The following GPC6 variants were observed in gnomAD, a reference collection of about 807,000 sequenced individuals.
The protein encoded by GPC6 is glypican-6.
Under a neutral mutation model 55.2 loss-of-function variants are expected in GPC6, and 14 were observed. That is an observed-to-expected ratio of 0.25 (90% confidence interval 0.17 to 0.40). The LOEUF is 0.40. Among genes scored for constraint, GPC6 ranks in the 10% least tolerant of loss-of-function variants. The pLI, the probability that GPC6 is intolerant of heterozygous loss-of-function variation, is 1.00. For missense variants in GPC6, 641 were observed against 708.5 expected (o/e 0.90, Z 1.08); for synonymous variants, 278 against 259.6 (o/e 1.07, Z -0.68).
In GPC6 at chr13:93,384,482, A is replaced by T. The variant is rs188740649; in HGVS notation, c.160+156866A>T. On this transcript the variant is annotated intron_variant, in intron 1 of 8. Transcript: ENST00000377047. ...GATGAATATGATGATAATTATAAAG[A>T]ATTGCTAACAGAATTAATGGGTTAA... Among the ~76,000 whole-genome samples, 4 of 152,194 alleles carry T rather than the reference A, an allele frequency of 2.6e-5. No individual in the cohort carries two copies. In the East Asian group the frequency reaches 5.8e-4, roughly 22 times the overall value.
chr13:93,768,452 A>T (rs1885190901), intron 2 of GPC6, among the ~76,000 whole-genome samples: 1 of 152,174 alleles, frequency 6.6e-6, no homozygotes, highest in South Asian at 2.1e-4. Flanking sequence ...CAGTGACTGC[A>T]TTTTTATTCA....
At chr13:94,312,435 C>T (rs1420195010) in intron 6 of GPC6, among the ~76,000 whole-genome samples, 3 of 152,164 alleles carry the variant, frequency 2.0e-5, no homozygotes, top group African/African-American at 7.2e-5. Context: ...AAATGTTCTT[C>T]CATGCCTCTT....
chr13:93,335,806 T>A (rs1880025542), intron 1 of GPC6, among the ~76,000 whole-genome samples: 1 of 152,202 alleles, frequency 6.6e-6, no homozygotes, highest in Non-Finnish European at 1.5e-5. Context: ...CTATAGCATA[T>A]GTGCATTTTT....
chr13:94,104,139 G>A (rs1885968776), intron 4 of GPC6, among the ~76,000 whole-genome samples: 1 of 152,100 alleles, frequency 6.6e-6, no homozygotes, highest in Non-Finnish European at 1.5e-5. Context: ...ATTAAATAGG[G>A]AATTGTTTCC....
chr13:93,672,747 A>T (rs540506696), intron 2 of GPC6, among the ~76,000 whole-genome samples: 1 of 151,842 alleles, frequency 6.6e-6, no homozygotes, highest in South Asian at 2.1e-4. Context: ...AATAAAATAC[A>T]TTCTCTCAGT....
At chr13:93,737,084 C>CT (rs1884030490) in intron 2 of GPC6, among the ~76,000 whole-genome samples, 1 of 152,090 alleles carries the variant, frequency 6.6e-6, no homozygotes, top group Non-Finnish European at 1.5e-5. Flanking sequence ...CTAGTTGTAC[C>CT]TTTTTATTTT....
rs1594247170 is a variant in GPC6 at position 94,404,675 on chromosome 13, C to T, written c.*1458C>T. On this transcript the variant is annotated 3_prime_UTR_variant, in exon 9 of 9. Coordinates refer to ENST00000377047, the MANE Select transcript of GPC6 (RefSeq NM_005708.5). Reference sequence around the variant, plus strand: ...GAGCCATTGGTGTGCAGGGCTTTACCGGTGATGGAAACTGTATGTGTAAAG... The same window carrying T: ...GAGCCATTGGTGTGCAGGGCTTTACTGGTGATGGAAACTGTATGTGTAAAG... 1 of 152,164 alleles carries T rather than the reference C, an allele frequency of 6.6e-6. No individual in the cohort carries two copies. Among genetic ancestry groups the T allele is most frequent in the Non-Finnish European group, 1.5e-5 (1 of 68,034 alleles). The allele number at this position is 152,164 out of a possible 1,614,324, so 9.4% of individuals were successfully genotyped here.
chr13:93,831,034 A>T (rs2138981624), intron 3 of GPC6: 1 of 158,396 alleles, frequency 6.3e-6, no homozygotes, highest in South Asian at 1.9e-4. Flanking sequence ...AATGTGGCCA[A>T]ATTCCTTCAT....
At chr13:93,744,451 G>A (rs1012103875) in intron 2 of GPC6, among the ~76,000 whole-genome samples, 1 of 149,378 alleles carries the variant, frequency 6.7e-6, no homozygotes, top group East Asian at 2.0e-4. Context: ...TTCTCTGCCT[G>A]GATTCCTACC....
chr13:93,798,644 C>A (rs150746954), intron 2 of GPC6, among the ~76,000 whole-genome samples: 7 of 152,008 alleles, frequency 4.6e-5, no homozygotes, highest in Non-Finnish European at 7.4e-5. Flanking sequence ...ACAGGCTGGG[C>A]GCGTTAGCTC....
chr13:93,260,736 TC>T (rs375007364), intron 1 of GPC6, among the ~76,000 whole-genome samples: 2 of 152,092 alleles, frequency 1.3e-5, no homozygotes, highest in East Asian at 3.9e-4. Flanking sequence ...GTACCATTTT[TC>T]ATAGTGCTAC....
At chr13:93,478,879 C>G (rs1450875838) in intron 1 of GPC6, among the ~76,000 whole-genome samples, 1 of 152,166 alleles carries the variant, frequency 6.6e-6, no homozygotes, top group Middle Eastern at 3.2e-3. Flanking sequence ...GGAAATAGCT[C>G]TGAAGACTAC....
intron 2 of GPC6, among the ~76,000 whole-genome samples, chr13:93,613,308 C>A (rs1878565042): frequency 6.6e-6 from 1 of 152,046 alleles, no homozygotes; most frequent in Non-Finnish European, 1.5e-5. Context: ...ATACCTGAAA[C>A]TTGGCTAAGT....
intron 6 of GPC6, among the ~76,000 whole-genome samples, chr13:94,363,091 C>G (rs1490237455): frequency 6.6e-6 from 1 of 151,992 alleles, no homozygotes; most frequent in African/African-American, 2.4e-5. Context: ...CTTCCCGTGT[C>G]CATGTGTTCT....
intron 4 of GPC6, among the ~76,000 whole-genome samples, chr13:94,120,962 A>G (rs964132066): frequency 6.6e-6 from 1 of 152,092 alleles, no homozygotes; most frequent in African/African-American, 2.4e-5. Flanking sequence ...TCTCTGGGTG[A>G]TCTCTGTTAA....
At chr13:94,183,129 C>T (rs1477616354) in intron 4 of GPC6, among the ~76,000 whole-genome samples, 1 of 152,128 alleles carries the variant, frequency 6.6e-6, no homozygotes, top group East Asian at 1.9e-4. Flanking sequence ...TTCATAATTT[C>T]GTGCAACCAT....
At chr13:93,532,543 G>C (rs1025648457) in intron 1 of GPC6, among the ~76,000 whole-genome samples, 1 of 152,152 alleles carries the variant, frequency 6.6e-6, no homozygotes, top group Non-Finnish European at 1.5e-5. Flanking sequence ...AAGGTTAGAT[G>C]TGAGAAAAAG....
intron 1 of GPC6, among the ~76,000 whole-genome samples, chr13:93,384,325 A>G (rs906029438): frequency 6.6e-6 from 1 of 151,948 alleles, no homozygotes; most frequent in African/African-American, 2.4e-5. Flanking sequence ...CTTTCTAAAG[A>G]TATGTGAGGA....
At chr13:94,279,833 T>C (rs1053772020) in intron 4 of GPC6, among the ~76,000 whole-genome samples, 2 of 152,320 alleles carry the variant, frequency 1.3e-5, no homozygotes, top group African/African-American at 4.8e-5. Flanking sequence ...TCAGTTCCTT[T>C]GCATTTGCTG....
Sources: gnomAD v4.1 joint callset for allele counts (sites outside exome capture counted in the v4.1 genomes callset) on GRCh38, gnomAD v4.1.1 for gene constraint, MANE v1.5 for transcripts, NCBI Gene and HGNC (gene_info 2026-07-23, HGNC 2026-07-21) for gene names.